Variants in TENM2 observed in about 807,000 individuals in gnomAD.
TENM2 encodes the protein teneurin transmembrane protein 2.
TENM2 carries 52 observed loss-of-function variants against 245.2 expected under a neutral mutation model. The observed-to-expected ratio is 0.21, with a 90% CI of 0.17 to 0.27. TENM2 has a LOEUF of 0.27. Ranked by LOEUF, TENM2 falls within the 10% of genes least tolerant of loss-of-function variation. The probability of loss-of-function intolerance (pLI) is 1.00; values close to 1 mark genes in which losing one functional copy is unlikely to be tolerated. For missense variants in TENM2, 3,046 were observed against 3,666.8 expected, an observed-to-expected ratio of 0.83 and a Z score of 4.37; for synonymous variants, 1,363 against 1,438.9, an observed-to-expected ratio of 0.95 and a Z score of 1.19.
chr5:166,999,117 G>A, the TENM2 span, among the ~76,000 whole-genome samples: 2 of 151,842 alleles, frequency 1.3e-5, no homozygotes, highest in East Asian at 3.9e-4. Flanking sequence ...TGTGGAGATG[G>A]AAAGTACAAT....
At chr5:167,990,575 C>T (rs1328257604) in intron 4 of TENM2, among the ~76,000 whole-genome samples, 2 of 152,118 alleles carry the variant, frequency 1.3e-5, no homozygotes, top group African/African-American at 4.8e-5. Flanking sequence ...AATGGCACGA[C>T]CAGGACTACC....
At chr5:167,563,483 A>C (rs756865974) in intron 2 of TENM2, among the ~76,000 whole-genome samples, 1 of 152,150 alleles carries the variant, frequency 6.6e-6, no homozygotes, top group Non-Finnish European at 1.5e-5. Flanking sequence ...TGTCTCGTAA[A>C]TCTTTGTAAG....
intron 4 of TENM2, among the ~76,000 whole-genome samples, chr5:167,979,718 G>C (rs1782693834): frequency 1.3e-5 from 2 of 152,144 alleles, no homozygotes; most frequent in Admixed American, 1.3e-4. Flanking sequence ...AACTTGAGGA[G>C]AATTCCAATC....
intron 3 of TENM2, 99 bp downstream of exon 5, chr5:167,876,294 G>T: frequency 9.8e-7 from 1 of 1,017,120 alleles, no homozygotes; most frequent in South Asian, 1.5e-5. Context: ...CTGGGGGAAG[G>T]TGGTGTGGGG....
At chr5:167,424,231 C>T (rs553388971) in intron 2 of TENM2, among the ~76,000 whole-genome samples, 36 of 152,064 alleles carry the variant, frequency 2.4e-4, no homozygotes, top group Admixed American at 9.2e-4. Flanking sequence ...CTTCCGGCCC[C>T]GTTTACCCAG....
At chr5:167,860,448 G>A (rs1167801487) in intron 2 of TENM2, among the ~76,000 whole-genome samples, 16 of 118,174 alleles carry the variant, frequency 1.4e-4, no homozygotes, top group South Asian at 3.1e-4. Context: ...CCGGCCAGCC[G>A]CCCCGTCCGG....
At chr5:168,104,818 A>G (rs778804773) in intron 9 of TENM2, among the ~76,000 whole-genome samples, 1 of 152,188 alleles carries the variant, frequency 6.6e-6, no homozygotes, top group Non-Finnish European at 1.5e-5. Flanking sequence ...TGGAAATAAC[A>G]TGGAATGGAT....
chr5:167,049,225 A>G, the TENM2 span, among the ~76,000 whole-genome samples: 1 of 152,240 alleles, frequency 6.6e-6, no homozygotes, highest in African/African-American at 2.4e-5. Flanking sequence ...TTTCTGTGCT[A>G]CACAGATCCA....
chr5:167,685,821 A>G (rs1201929155), intron 2 of TENM2, among the ~76,000 whole-genome samples: 2 of 152,220 alleles, frequency 1.3e-5, no homozygotes, highest in Non-Finnish European at 2.9e-5. Flanking sequence ...TGAAGGGTAT[A>G]GAGGGCGTGC....
At chr5:167,116,783 C>T in the TENM2 span, 36 of 152,050 alleles carry the variant, frequency 2.4e-4, no homozygotes, top group African/African-American at 8.5e-4. Context: ...TCTTTCCACT[C>T]ATCTGGCCTT....
At chr5:168,215,958 T>C (rs1763156288) in intron 21 of TENM2, among the ~76,000 whole-genome samples, 1 of 152,176 alleles carries the variant, frequency 6.6e-6, no homozygotes, top group Non-Finnish European at 1.5e-5. Context: ...CAATAAATGG[T>C]AGTAATTAAG....
intron 2 of TENM2, among the ~76,000 whole-genome samples, chr5:167,399,387 C>A (rs114968177): frequency 0.021 from 3,154 of 152,224 alleles, 105 homozygotes; most frequent in African/African-American, 0.071. Context: ...TAGTGCAGAG[C>A]GCCTTTAACT....
At position 168,130,749 on chromosome 5, in the gene TENM2, C is replaced by T. The variant is rs376098196; in HGVS notation, c.2422+3783C>T. On this transcript the variant is annotated intron_variant, in intron 12 of 28. Coordinates refer to ENST00000518659, the Ensembl canonical transcript of TENM2. ...CCTGTCACTACAAAAATTAGCTGGG[C>T]ATGGTGGTACGTGCCTGTAGTCCCA... is the stretch of plus-strand genomic sequence containing the variant. Among the ~76,000 whole-genome samples the T allele has an allele frequency of 4.6e-5, 7 of 152,166 alleles. No homozygotes were observed. The South Asian group carries it at 1.5e-3, about 32-fold the overall frequency.
At chr5:167,320,776 G>A (rs1043351965) in intron 1 of TENM2, among the ~76,000 whole-genome samples, 2 of 152,144 alleles carry the variant, frequency 1.3e-5, no homozygotes, top group Admixed American at 6.5e-5. Context: ...CCAGAACTGT[G>A]AGCCAATAAA....
At chr5:168,114,044 C>T (rs1248183707) in intron 9 of TENM2, among the ~76,000 whole-genome samples, 2 of 152,148 alleles carry the variant, frequency 1.3e-5, no homozygotes, top group Non-Finnish European at 2.9e-5. Context: ...TTTGTGTGTG[C>T]GTGTTTGAGA....
the TENM2 span, among the ~76,000 whole-genome samples, chr5:167,266,171 AT>A: frequency 6.6e-6 from 1 of 152,148 alleles, no homozygotes; most frequent in African/African-American, 2.4e-5. Flanking sequence ...TAATTGTGAG[AT>A]TGCGAATTGT....
chr5:167,998,938 T>C (rs1207016837), intron 5 of TENM2, among the ~76,000 whole-genome samples: 2 of 152,222 alleles, frequency 1.3e-5, no homozygotes, highest in Non-Finnish European at 2.9e-5. Context: ...TTAAAGTTGC[T>C]ACACTTGAAA....
At chr5:167,507,574 C>T (rs1769639617) in intron 2 of TENM2, among the ~76,000 whole-genome samples, 2 of 152,180 alleles carry the variant, frequency 1.3e-5, no homozygotes, top group African/African-American at 4.8e-5. Flanking sequence ...CTTCACATCA[C>T]TGGTCTGGGC....
At chr5:167,403,943 A>C (rs1762498045) in intron 2 of TENM2, among the ~76,000 whole-genome samples, 1 of 150,024 alleles carries the variant, frequency 6.7e-6, no homozygotes, top group South Asian at 2.1e-4. Context: ...TCACCAAAAG[A>C]TTTTCTTTTT....
Sources: allele counts gnomAD v4.1 joint callset (sites outside exome capture counted in the v4.1 genomes callset), GRCh38; gene constraint gnomAD v4.1.1; transcripts MANE v1.5; gene names NCBI Gene and HGNC (gene_info 2026-07-23, HGNC 2026-07-21).